The following MME variants were observed in gnomAD, a reference collection of about 807,000 sequenced individuals.
MME encodes the protein neprilysin.
Under a neutral mutation model 113.2 loss-of-function variants are expected in MME, and 98 were observed. The ratio of observed to expected loss-of-function variants is 0.87; its 90% confidence interval spans 0.74 to 1.02. The LOEUF is 1.02. Among genes scored for constraint, MME ranks in the 50% least tolerant of loss-of-function variants. The pLI, the probability that MME is intolerant of heterozygous loss-of-function variation, is 0.00. For missense variants in MME, 836 were observed against 896.0 expected (o/e 0.93, Z 0.86); for synonymous variants, 292 against 300.6 (o/e 0.97, Z 0.30).
chr3:155,133,820 A>G (rs1319418655), intron 8 of MME, among the ~76,000 whole-genome samples: 2 of 147,578 alleles, frequency 1.4e-5, no homozygotes, highest in Non-Finnish European at 3.0e-5. Flanking sequence ...ATTTTCCAAT[A>G]TCAATCTACT....
intron 9 of MME, among the ~76,000 whole-genome samples, chr3:155,139,234 G>A (rs145369628): frequency 6.2e-4 from 94 of 152,142 alleles, no homozygotes; most frequent in African/African-American, 2.3e-3. Flanking sequence ...CAGACCATGC[G>A]CTCCTTTGAC....
At chr3:155,107,429 T>C (rs938442328) in intron 3 of MME, among the ~76,000 whole-genome samples, 1 of 152,098 alleles carries the variant, frequency 6.6e-6, no homozygotes, top group African/African-American at 2.4e-5. Context: ...GGTATGTATG[T>C]TGTAAATAGA....
rs148408998 is a variant in MME, at chr3:155,110,244, A to T, written c.197-4750A>T. Among the ~76,000 whole-genome samples, 35 of 152,302 alleles carry T rather than the reference A, an allele frequency of 2.3e-4. No individual in the cohort carries two copies. In the East Asian group the frequency reaches 6.8e-3, roughly 29 times the overall value. ...TCTGCATTCAAAGCAGGGAGGGAAG[A>T]GTGTGGGCTCAGAGCCATACATGCT... On this transcript the variant is annotated intron_variant, in intron 3 of 22. Transcript: ENST00000360490.
At chr3:155,096,082 T>G (rs1030472285) in intron 3 of MME, among the ~76,000 whole-genome samples, 2 of 152,152 alleles carry the variant, frequency 1.3e-5, no homozygotes, top group Admixed American at 6.5e-5. Flanking sequence ...TAGTGGTTCA[T>G]GATGGCTGGG....
chr3:155,172,236 A>T (rs1458127454), intron 21 of MME, 24 bp downstream of exon 21: 1 of 1,469,934 alleles, frequency 6.8e-7, no homozygotes, highest in South Asian at 1.1e-5. Flanking sequence ...CTTGATTGAT[A>T]GATATGAAAA....
intron 3 of MME, among the ~76,000 whole-genome samples, chr3:155,102,985 A>G (rs1352213806): frequency 6.6e-6 from 1 of 152,196 alleles, no homozygotes; most frequent in African/African-American, 2.4e-5. Context: ...TGCCTGGGAC[A>G]CAGCTCAGAA....
intron 3 of MME, among the ~76,000 whole-genome samples, chr3:155,101,851 C>A (rs2108218113): frequency 6.6e-6 from 1 of 152,266 alleles, no homozygotes; most frequent in Non-Finnish European, 1.5e-5. Flanking sequence ...CAAACCACTT[C>A]TACCAGAGCC....
At chr3:155,087,615 C>T (rs3773904) in intron 3 of MME, among the ~76,000 whole-genome samples, 17,030 of 152,188 alleles carry the variant, frequency 0.11, 1,035 homozygotes, top group Middle Eastern at 0.14. Flanking sequence ...TACATATTGA[C>T]TACTAAGGGT....
chr3:155,073,731 G>GC (rs1399288970), intron 1 of MME, among the ~76,000 whole-genome samples: 1 of 151,552 alleles, frequency 6.6e-6, no homozygotes, highest in Admixed American at 6.6e-5. Context: ...TTCTTTTCTT[G>GC]CCTTTTTTTT....
At chr3:155,047,234 CTAAA>C in intron 1 of MME, among the ~76,000 whole-genome samples, 1 of 152,260 alleles carries the variant, frequency 6.6e-6, no homozygotes, top group Non-Finnish European at 1.5e-5. Flanking sequence ...ATATGTGTAG[CTAAA>C]TAAATACTTT....
chr3:155,106,347 T>C (rs1392810119), intron 3 of MME, among the ~76,000 whole-genome samples: 1 of 152,194 alleles, frequency 6.6e-6, no homozygotes, highest in Admixed American at 6.5e-5. Context: ...CAGCATCTGG[T>C]ATCCCCCACT....
rs1250740823 is a variant in MME, at chr3:155,050,614, T to TA, written c.-11+26290_-11+26291insA. Among the ~76,000 whole-genome samples the TA allele has an allele frequency of 2.0e-5, 3 of 152,312 alleles. No individual in the cohort carries two copies. In the South Asian group the frequency reaches 6.2e-4, roughly 32 times the overall value. On this transcript the variant is annotated intron_variant, in intron 1 of 22. Transcript: ENST00000492661. ...GGGCATTTTTTCATATGCTTCTTGG[T>TA]TGCATGTATGTTTTCTTTTGAAAAA...
intron 1 of MME, among the ~76,000 whole-genome samples, chr3:155,082,497 A>G (rs1053579414): frequency 3.3e-5 from 5 of 152,140 alleles, no homozygotes; most frequent in African/African-American, 1.2e-4. Context: ...CCAATACACT[A>G]TTAAAATAGG....
At chr3:155,084,964 C>T in intron 2 of MME, 95 bp from the exon 3 acceptor site, 2 of 764,756 alleles carry the variant, frequency 2.6e-6, no homozygotes, top group South Asian at 1.9e-5. Context: ...TAAGAAATTG[C>T]TTATTTAATT....
intron 1 of MME, among the ~76,000 whole-genome samples, chr3:155,034,441 G>T (rs1329174106): frequency 1.3e-5 from 2 of 152,144 alleles, no homozygotes; most frequent in Non-Finnish European, 2.9e-5. Context: ...TTGATTTTAG[G>T]AGCAAGAGGT....
At chr3:155,113,262 G>T (rs749241355) in intron 3 of MME, among the ~76,000 whole-genome samples, 3 of 152,086 alleles carry the variant, frequency 2.0e-5, no homozygotes, top group Non-Finnish European at 2.9e-5. Flanking sequence ...TTCTGGTAAA[G>T]GTTTAGACAC....
At chr3:155,154,126 C>CA (rs1313613652) in intron 16 of MME, among the ~76,000 whole-genome samples, 1 of 152,056 alleles carries the variant, frequency 6.6e-6, no homozygotes, top group African/African-American at 2.4e-5. Flanking sequence ...AGAGGATTCA[C>CA]AAAAAACAAA....
At chr3:155,078,649 A>ATGTGTGTGTGTGTG (rs531692651), upstream of MME, among the ~76,000 whole-genome samples, 2 of 130,690 alleles carry the variant, frequency 1.5e-5, no homozygotes, top group African/African-American at 5.8e-5. Context: ...GAGTGTGAAT[A>ATGTGTGTGTGTGTG]TGTGTGTGTA....
chr3:155,141,401 T>C (rs150563610), intron 10 of MME, among the ~76,000 whole-genome samples: 284 of 152,296 alleles, frequency 1.9e-3, no homozygotes, highest in African/African-American at 6.5e-3. Flanking sequence ...AATTCCCATT[T>C]AGAAAGACAA....
Sources: allele counts gnomAD v4.1 joint callset (sites outside exome capture counted in the v4.1 genomes callset), GRCh38; gene constraint gnomAD v4.1.1; transcripts MANE v1.5; gene names NCBI Gene and HGNC (gene_info 2026-07-23, HGNC 2026-07-21).